CAPRIN1: variants seen among roughly 807,000 people sequenced by gnomAD.
CAPRIN1 encodes the protein caprin-1.
Under a neutral mutation model 100.9 loss-of-function variants are expected in CAPRIN1, and 29 were observed. That is an observed-to-expected ratio of 0.29 (90% confidence interval 0.21 to 0.39). The LOEUF is 0.39. CAPRIN1 is among the 10% of genes least tolerant of loss of function. CAPRIN1 has a pLI of 1.00. For missense variants in CAPRIN1, 795 were observed against 876.7 expected, an observed-to-expected ratio of 0.91 and a Z score of 1.18; for synonymous variants, 338 against 307.5, an observed-to-expected ratio of 1.10 and a Z score of -1.04.
chr11:34,066,114 T>A (rs1391210611), intron 2 of CAPRIN1, among the ~76,000 whole-genome samples: 2 of 152,090 alleles, frequency 1.3e-5, no homozygotes, highest in Non-Finnish European at 2.9e-5. Flanking sequence ...CTCCTGGGAC[T>A]GCAGGTGCGC....
chr11:34,088,510 A>T (rs772221293), intron 11 of CAPRIN1, among the ~76,000 whole-genome samples: 1 of 152,006 alleles, frequency 6.6e-6, no homozygotes, highest in Non-Finnish European at 1.5e-5. Context: ...ATTAAAAATT[A>T]GTCAAATAAA....
chr11:34,089,765 A>G (rs992385276), intron 12 of CAPRIN1, among the ~76,000 whole-genome samples: 1 of 151,988 alleles, frequency 6.6e-6, no homozygotes, highest in African/African-American at 2.4e-5. Context: ...CTTTATTTTT[A>G]TGTTTAGGTT....
intron 9 of CAPRIN1, 54 bp from the exon 10 acceptor site, chr11:34,086,006 TAGTG>T: frequency 5.5e-6 from 8 of 1,453,054 alleles, no homozygotes; most frequent in Non-Finnish European, 7.7e-6. Context: ...ATCATGGTGG[TAGTG>T]AGTGGAGCTT....
intron 7 of CAPRIN1, among the ~76,000 whole-genome samples, chr11:34,080,466 T>C (rs1418623463): frequency 6.6e-6 from 1 of 152,318 alleles, no homozygotes; most frequent in East Asian, 1.9e-4. Flanking sequence ...AGGAATAGTA[T>C]GAGTTGCTTT....
intron 2 of CAPRIN1, chr11:34,053,248 A>T: frequency 1.5e-6 from 1 of 667,760 alleles, no homozygotes; most frequent in Non-Finnish European, 1.9e-6. Context: ...CCCCGCGCCC[A>T]TGCGATGGGC....
intron 2 of CAPRIN1, among the ~76,000 whole-genome samples, chr11:34,062,716 T>C (rs1470765927): frequency 6.6e-6 from 1 of 152,078 alleles, no homozygotes; most frequent in African/African-American, 2.4e-5. Context: ...GGTACAGTAC[T>C]CTAGAAGTGA....
At chr11:34,090,498 G>T (rs763173750) in intron 13 of CAPRIN1, 31 bp from the exon 14 acceptor site, 5 of 1,600,788 alleles carry the variant, frequency 3.1e-6, no homozygotes, top group South Asian at 1.1e-5. Flanking sequence ...TTAGTTTACC[G>T]CTAAAGTGCA....
intron 2 of CAPRIN1, among the ~76,000 whole-genome samples, chr11:34,064,838 A>G (rs891504894): frequency 2.6e-5 from 4 of 151,994 alleles, no homozygotes; most frequent in African/African-American, 9.7e-5. Context: ...TTACTAGGTT[A>G]GATTCGTAAA....
chr11:34,096,285 C>T (rs1851365947), intron 15 of CAPRIN1, 194 bp from the exon 16 acceptor site: 1 of 457,892 alleles, frequency 2.2e-6, no homozygotes, highest in African/African-American at 2.0e-5. Context: ...AATTTTACCC[C>T]CAATAGCTGA....
intron 2 of CAPRIN1, chr11:34,053,005 C>T (rs1465946842): frequency 1.9e-6 from 2 of 1,048,740 alleles, no homozygotes; most frequent in East Asian, 1.0e-4. Context: ...ATTTCTCTGA[C>T]GAGGGCCCAA....
intron 16 of CAPRIN1, 84 bp downstream of exon 16, chr11:34,096,757 T>G: frequency 9.6e-7 from 1 of 1,044,632 alleles, no homozygotes; most frequent in Non-Finnish European, 1.4e-6. Flanking sequence ...ACACAGTTTT[T>G]GGGAAGGATG....
Position 34,102,079 on chromosome 11 carries a change from T to C in CAPRIN1, c.*2712T>C, listed in dbSNP as rs1017145824. Among the ~76,000 whole-genome samples, 8 of 152,208 alleles carry C rather than the reference T, an allele frequency of 5.3e-5. No homozygotes were observed. The highest frequency in any genetic ancestry group is 1.2e-4 in the Non-Finnish European group (8 of 68,016). On this transcript the variant is annotated 3_prime_UTR_variant, in exon 19 of 19. Coordinates refer to ENST00000341394, the MANE Select transcript of CAPRIN1 (RefSeq NM_005898.5). ...CATTGTACCTTGATATTAAAACAAA[T>C]ATCCTTTAAGTATTTCTAATCAGTT... is the stretch of plus-strand genomic sequence containing the variant.
intron 7 of CAPRIN1, 93 bp from the exon 8 acceptor site, chr11:34,082,732 C>G (rs962212855): frequency 3.6e-6 from 3 of 837,658 alleles, no homozygotes; most frequent in Non-Finnish European, 5.9e-6. Context: ...TGGACAAATG[C>G]ATAATGACGT....
Position 34,082,863 on chromosome 11 carries a change from G to A in CAPRIN1, c.865G>A (p.Val289Ile). 6.2e-7 allele frequency: 1 copy of A among 1,614,036 alleles called. No individual in the cohort carries two copies. Among genetic ancestry groups the A allele is most frequent in the African/African-American group, 1.3e-5 (1 of 75,050 alleles). Residue 289 changes from valine (V) to isoleucine (I), a missense_variant, in exon 8 of 19, where the codon GTT becomes ATT. Physicochemically the swap from Val to Ile is conservative, Grantham distance 29. Transcript: ENST00000341394. ...PAEEYTEQSE[V>I]ESTEYVNRQF... ...AGAAGAGTACACTGAGCAAAGTGAAGTTGAATCAACAGAGGTATGATTTTA... is the reference window on the plus strand; with the variant it reads ...AGAAGAGTACACTGAGCAAAGTGAAATTGAATCAACAGAGGTATGATTTTA...
chr11:34,076,271 G>A lies in CAPRIN1; in HGVS notation c.402G>A (p.Glu134=). 1 of 1,614,064 alleles carries A rather than the reference G, an allele frequency of 6.2e-7. No homozygotes were observed. Among genetic ancestry groups the A allele is most frequent in the South Asian group, 1.1e-5 (1 of 91,074 alleles). ...QKTIKKTARR[E]QLMREEAEQK... ...CAATAAAGAAGACAGCACGTCGGGA[G>A]CAGCTTATGAGAGAAGAAGCTGAAC... is the stretch of plus-strand genomic sequence containing the variant. The change falls in exon 5 of 19, where the codon GAG becomes GAA. Residue 134 remains glutamate (E), a synonymous_variant. Coordinates refer to ENST00000341394, the MANE Select transcript of CAPRIN1 (RefSeq NM_005898.5).
intron 17 of CAPRIN1, 121 bp downstream of exon 17, chr11:34,097,417 C>A: frequency 1.2e-6 from 1 of 834,190 alleles, no homozygotes; most frequent in Admixed American, 2.5e-5. Context: ...GTCCAAGACA[C>A]TCTGTTGAAA....
chr11:34,068,536 G>A (rs547983870), intron 2 of CAPRIN1, among the ~76,000 whole-genome samples: 2 of 152,242 alleles, frequency 1.3e-5, no homozygotes, highest in African/African-American at 4.8e-5. Flanking sequence ...GAAAATTGGA[G>A]GTTTTCTACT....
chr11:34,065,142 T>A (rs1231117682), intron 2 of CAPRIN1, among the ~76,000 whole-genome samples: 1 of 151,822 alleles, frequency 6.6e-6, no homozygotes, highest in Non-Finnish European at 1.5e-5. Flanking sequence ...TTTTGTATTT[T>A]TAGTAGAGAC....
intron 2 of CAPRIN1, among the ~76,000 whole-genome samples, chr11:34,064,560 C>A (rs1420228376): frequency 2.6e-5 from 4 of 152,152 alleles, no homozygotes; most frequent in Admixed American, 6.5e-5. Flanking sequence ...CTATAGTAAT[C>A]TTTATAGCTA....
Sources: allele counts gnomAD v4.1 joint callset (sites outside exome capture counted in the v4.1 genomes callset), GRCh38; gene constraint gnomAD v4.1.1; transcripts MANE v1.5; gene names NCBI Gene and HGNC (gene_info 2026-07-23, HGNC 2026-07-21).